AHI1: variants seen among roughly 807,000 people sequenced by gnomAD.
AHI1 encodes the protein Abelson helper integration site 1.
Under a neutral mutation model 149.3 loss-of-function variants are expected in AHI1, and 123 were observed. The ratio of observed to expected loss-of-function variants is 0.82; its 90% CI spans 0.71 to 0.96. The LOEUF is 0.96. Among genes scored for constraint, AHI1 ranks in the 40% least tolerant of loss-of-function variants. AHI1 has a pLI of 0.00. For synonymous variants in AHI1, 475 were observed against 459.8 expected (o/e 1.03, Z -0.42); for missense variants, 1,439 against 1,422.7 (o/e 1.01, Z -0.18).
intron 5 of AHI1, among the ~76,000 whole-genome samples, chr6:135,471,874 C>T (rs982750589): frequency 1.4e-4 from 21 of 151,174 alleles, no homozygotes; most frequent in Admixed American, 6.6e-4. Context: ...TAGCCGGGCG[C>T]GGTGGCGGGC....
chr6:135,442,611 C>A lies in AHI1; in HGVS notation c.1883G>T (p.Cys628Phe), dbSNP rs769268394. Reference sequence around the variant, plus strand: ...AATTGGATATCCATCCCGGCTGGCACAAGCTGCTGCTAATATTCTTCCATT... The same window carrying A: ...AATTGGATATCCATCCCGGCTGGCAAAAGCTGCTGCTAATATTCTTCCATT... Reference protein sequence around the residue: ...SHNGRILAAACASRDGYPIIL... With the variant: ...SHNGRILAAAFASRDGYPIIL... The change falls in exon 14 of 29, where the codon TGT (cysteine) becomes TTT (phenylalanine). Residue 628 changes from cysteine (C) to phenylalanine (F), a missense_variant. By Grantham distance (205) the Cys-to-Phe change is radical. Transcript: ENST00000265602. 4 of 1,609,438 alleles carry A rather than the reference C, an allele frequency of 2.5e-6. No homozygotes were observed. The highest frequency in any genetic ancestry group is 1.1e-5 in the South Asian group (1 of 90,136).
At chr6:135,350,604 CT>C (rs1476915430) in intron 24 of AHI1, among the ~76,000 whole-genome samples, 4 of 151,874 alleles carry the variant, frequency 2.6e-5, no homozygotes, top group Non-Finnish European at 5.9e-5. Context: ...ATTGGGATAA[CT>C]GCTAAGGAAA....
At chr6:135,331,541 T>C (rs1788593540) in intron 24 of AHI1, among the ~76,000 whole-genome samples, 1 of 152,190 alleles carries the variant, frequency 6.6e-6, no homozygotes, top group Admixed American at 6.5e-5. Context: ...TTAAATATTA[T>C]TATAGTGGTC....
At chr6:135,432,035 G>T in intron 16 of AHI1, among the ~76,000 whole-genome samples, 1 of 147,590 alleles carries the variant, frequency 6.8e-6, no homozygotes, top group Non-Finnish European at 1.5e-5. Flanking sequence ...GATATCGTAT[G>T]GCCAAATAGT....
intron 23 of AHI1, among the ~76,000 whole-genome samples, chr6:135,380,743 C>CA (rs1207754664): frequency 8.3e-6 from 1 of 120,678 alleles, no homozygotes; most frequent in Non-Finnish European, 1.7e-5. Flanking sequence ...CCCCCCCCCC[C>CA]CAAAAAAAAA....
intron 7 of AHI1, 135 bp from the exon 8 acceptor site, chr6:135,463,441 A>G: frequency 1.4e-6 from 1 of 699,698 alleles, no homozygotes; most frequent in Non-Finnish European, 2.2e-6. Context: ...TGAGAGATGC[A>G]TGTATTTTCT....
intron 18 of AHI1, 51 bp from the exon 19 acceptor site, chr6:135,428,810 A>G: frequency 4.7e-6 from 7 of 1,479,822 alleles, no homozygotes; most frequent in Non-Finnish European, 5.4e-6. Context: ...CATGTAAATG[A>G]CTGGTGGTAT....
chr6:135,421,401 C>T (rs966052096), intron 20 of AHI1, among the ~76,000 whole-genome samples: 11 of 152,024 alleles, frequency 7.2e-5, no homozygotes, highest in African/African-American at 2.7e-4. Flanking sequence ...ACGAGGTATG[C>T]CTGTATTTAT....
At chr6:135,391,753 C>T (rs1025558869) in intron 23 of AHI1, among the ~76,000 whole-genome samples, 5 of 152,102 alleles carry the variant, frequency 3.3e-5, no homozygotes, top group African/African-American at 9.7e-5. Context: ...TGTTAAAGCA[C>T]AGTAAGAAAG....
chr6:135,484,884 A>G (rs1311890326), intron 5 of AHI1, among the ~76,000 whole-genome samples: 4 of 152,106 alleles, frequency 2.6e-5, no homozygotes, highest in Non-Finnish European at 4.4e-5. Flanking sequence ...AGAACAGAAT[A>G]TCTTTCCACA....
intron 22 of AHI1, among the ~76,000 whole-genome samples, chr6:135,403,184 A>G (rs1438807818): frequency 2.6e-5 from 4 of 152,148 alleles, no homozygotes. Flanking sequence ...ATGACTGCTA[A>G]GAGATATGGG....
In AHI1 at chr6:135,465,918, C is replaced by T. The variant is rs1211023912; in HGVS notation, c.645G>A (p.Gln215=). The T allele has an allele frequency of 6.9e-6, 11 of 1,600,810 alleles. No individual in the cohort carries two copies. Among genetic ancestry groups the T allele is most frequent in the Non-Finnish European group, 8.5e-6 (10 of 1,174,248 alleles). ...KRKIRKKLKE[Q]LTYFPSDTLF... is the part of the protein sequence containing the mutation. ...AAGTATCTGAGGGAAAGTAAGTCAACTGTTCTTTCAGTTTCTTTCTTATTT... is the reference window on the plus strand; with the variant it reads ...AAGTATCTGAGGGAAAGTAAGTCAATTGTTCTTTCAGTTTCTTTCTTATTT... Residue 215 remains glutamine (Q), a synonymous_variant, in exon 7 of 29, where the codon CAG becomes CAA. Coordinates refer to ENST00000265602, the MANE Select transcript of AHI1 (RefSeq NM_001134831.2).
chr6:135,328,054 CA>C (rs1352939265), intron 24 of AHI1, among the ~76,000 whole-genome samples: 1 of 151,818 alleles, frequency 6.6e-6, no homozygotes, highest in African/African-American at 2.4e-5. Context: ...GCCGGTTGGT[CA>C]AAAGTTCTGG....
rs376466342 is a variant in AHI1 at position 135,490,790 on chromosome 6, A to G, written c.11-43T>C. On this transcript the variant is annotated intron_variant, in intron 4 of 28. Coordinates refer to ENST00000265602, the MANE Select transcript of AHI1 (RefSeq NM_001134831.2). ...ATGTGATTTTGTAAATGACTCTATC[A>G]TAACACACAACCTACACTACTAGGA... The G allele has an allele frequency of 1.0e-4, 160 of 1,605,072 alleles. No homozygotes were observed. In the African/African-American group the frequency reaches 1.8e-3, roughly 18 times the overall value.
intron 24 of AHI1, among the ~76,000 whole-genome samples, chr6:135,344,708 CTCTTTCTTTCCTTT>C (rs1790919927): frequency 1.4e-5 from 2 of 143,600 alleles, no homozygotes; most frequent in Non-Finnish European, 1.5e-5. Flanking sequence ...TTCTTTCTCT[CTCTTTCTTTCCTTT>C]TCTTTCTTTC....
chr6:135,411,525 T>A lies in AHI1; in HGVS notation c.2784A>T (p.Glu928Asp), dbSNP rs538724792. The change falls in exon 21 of 29, where the codon GAA becomes GAT. Residue 928 changes from glutamate to aspartate, a missense_variant. Transcript: ENST00000265602. ...YDFHVAQQEA[E>D]MFKRYNGTFP... Reference sequence around the variant, plus strand: ...ATGTTCCATTGTAGCGTTTGAACATTTCAGCCTCCTGCTGGGCAACTGAAG... The same window carrying A: ...ATGTTCCATTGTAGCGTTTGAACATATCAGCCTCCTGCTGGGCAACTGAAG... 1.8e-4 allele frequency: 283 copies of A among 1,582,116 alleles called. 4 individuals are homozygous for A. In the South Asian group the frequency reaches 3.0e-3, roughly 17 times the overall value.
chr6:135,410,030 T>G (rs1781360329), intron 21 of AHI1, among the ~76,000 whole-genome samples: 1 of 152,154 alleles, frequency 6.6e-6, no homozygotes, highest in Non-Finnish European at 1.5e-5. Context: ...GAGGTTTACT[T>G]TTAGGGTCTT....
chr6:135,476,280 T>A (rs1022468058), intron 5 of AHI1, among the ~76,000 whole-genome samples: 1 of 152,174 alleles, frequency 6.6e-6, no homozygotes, highest in African/African-American at 2.4e-5. Flanking sequence ...TAACTATTTC[T>A]AATTTGATGC....
intron 7 of AHI1, among the ~76,000 whole-genome samples, chr6:135,464,562 G>A (rs1790441718): frequency 1.3e-5 from 2 of 152,126 alleles, no homozygotes; most frequent in South Asian, 2.1e-4. Flanking sequence ...AGTAATGAAT[G>A]CCACTTATAA....
Sources: allele counts gnomAD v4.1 joint callset (sites outside exome capture counted in the v4.1 genomes callset), GRCh38; gene constraint gnomAD v4.1.1; transcripts MANE v1.5; gene names NCBI Gene and HGNC (gene_info 2026-07-23, HGNC 2026-07-21).